RORA: variants seen among roughly 807,000 people sequenced by gnomAD.
RORA encodes nuclear receptor ROR-alpha.
A neutral mutation model predicts 69.5 loss-of-function variants in RORA; 7 were observed. The observed-to-expected ratio is 0.10, with a 90% CI of 0.06 to 0.19. The LOEUF is 0.19. RORA is among the 10% of genes least tolerant of loss of function. RORA has a pLI of 1.00. For missense variants in RORA, 457 were observed against 663.0 expected (o/e 0.69, Z 3.41); for synonymous variants, 261 against 240.8 (o/e 1.08, Z -0.78).
intron 1 of RORA, among the ~76,000 whole-genome samples, chr15:61,070,285 G>A (rs2140588902): frequency 6.6e-6 from 1 of 152,242 alleles, no homozygotes; most frequent in East Asian, 1.9e-4. Flanking sequence ...ATGCCCCCAT[G>A]GGATCCTAGA....
At position 60,742,396 on chromosome 15, in the gene RORA, G is replaced by A. The variant is rs560410925; in HGVS notation, c.167-63710C>T. On this transcript the variant is annotated intron_variant, in intron 1 of 10. Coordinates refer to ENST00000335670, the MANE Select transcript of RORA (RefSeq NM_134261.3). The stretch of plus-strand genomic sequence containing the variant: ...AGAGGTAAAAATGGTATGTGTCTAT[G>A]GTGTACAACATATTTTGATATATGT... Among the ~76,000 whole-genome samples the A allele has an allele frequency of 4.6e-5, 7 of 152,142 alleles. No homozygotes were observed. In the South Asian group the frequency reaches 1.2e-3, roughly 27 times the overall value.
chr15:60,542,608 A>C (rs1595942615), intron 2 of RORA, among the ~76,000 whole-genome samples: 1 of 131,798 alleles, frequency 7.6e-6, no homozygotes. Context: ...ACGCATGCAC[A>C]CCTCACACAC....
chr15:60,841,211 A>C, intron 1 of RORA: 37 of 373,690 alleles, frequency 9.9e-5, no homozygotes, highest in Middle Eastern at 1.4e-3. Context: ...AACACTTCTC[A>C]GGTGGCTGTG....
intron 2 of RORA, among the ~76,000 whole-genome samples, chr15:60,665,052 C>CT (rs2070360723): frequency 6.6e-6 from 1 of 152,234 alleles, no homozygotes; most frequent in Non-Finnish European, 1.5e-5. Context: ...AGGAAACATA[C>CT]TTACATTCTA....
chr15:61,043,977 T>C lies in RORA; in HGVS notation c.166+185076A>G, dbSNP rs989133713. Among the ~76,000 whole-genome samples, 5 of 152,010 alleles carry C rather than the reference T, an allele frequency of 3.3e-5. No individual in the cohort carries two copies. In the South Asian group the frequency reaches 8.3e-4, roughly 25 times the overall value. On this transcript the variant is annotated intron_variant, in intron 1 of 10. Coordinates refer to ENST00000335670, the MANE Select transcript of RORA (RefSeq NM_134261.3). ...CCAGAGCAAAGCTGTGCTCAAAGGA[T>C]TGGACATCAGAAACAAACCTAAAAA...
intron 1 of RORA, among the ~76,000 whole-genome samples, chr15:61,043,030 T>C (rs1304707344): frequency 1.3e-5 from 2 of 152,186 alleles, no homozygotes; most frequent in South Asian, 2.1e-4. Flanking sequence ...CTGAGAGTGA[T>C]GGACATGGCG....
chr15:60,533,603 G>A (rs1428995657), intron 2 of RORA, among the ~76,000 whole-genome samples: 1 of 152,150 alleles, frequency 6.6e-6, no homozygotes, highest in East Asian at 1.9e-4. Context: ...AGCGAGTTAC[G>A]CCTAACATTT....
At chr15:60,542,243 C>T (rs1444992203) in intron 2 of RORA, among the ~76,000 whole-genome samples, 1 of 152,180 alleles carries the variant, frequency 6.6e-6, no homozygotes, top group Non-Finnish European at 1.5e-5. Flanking sequence ...GCACAGCTTA[C>T]TGTCAAAGCC....
At chr15:60,500,890 T>C (rs2065311050) in intron 9 of RORA, 69 bp downstream of exon 9, 1 of 838,486 alleles carries the variant, frequency 1.2e-6, no homozygotes, top group South Asian at 1.6e-5. Flanking sequence ...ATTAAACGTA[T>C]GGGCCTTGTA....
intron 1 of RORA, among the ~76,000 whole-genome samples, chr15:60,715,821 G>A (rs1007507061): frequency 6.6e-6 from 1 of 152,030 alleles, no homozygotes; most frequent in East Asian, 1.9e-4. Context: ...AAATGTTAGG[G>A]GAAGGAAAGA....
intron 1 of RORA, among the ~76,000 whole-genome samples, chr15:60,683,513 G>T (rs1345414834): frequency 2.0e-5 from 3 of 152,040 alleles, no homozygotes; most frequent in Non-Finnish European, 4.4e-5. Flanking sequence ...GAAGAAAAAA[G>T]ACAGTGCCCA....
intron 2 of RORA, among the ~76,000 whole-genome samples, chr15:60,663,295 G>A (rs908803963): frequency 2.6e-5 from 4 of 152,166 alleles, no homozygotes; most frequent in East Asian, 1.9e-4. Context: ...TTAGCTGGGC[G>A]TAATGATGAA....
chr15:61,011,766 G>C (rs975354883), intron 1 of RORA, among the ~76,000 whole-genome samples: 14 of 152,322 alleles, frequency 9.2e-5, no homozygotes, highest in Middle Eastern at 3.4e-3. Flanking sequence ...AGCAGGTTAG[G>C]TTTAACTAAA....
chr15:61,210,433 A>G (rs2079980512), intron 1 of RORA, among the ~76,000 whole-genome samples: 1 of 152,222 alleles, frequency 6.6e-6, no homozygotes, highest in Admixed American at 6.5e-5. Context: ...AGAACAGGGA[A>G]AAAAGATTCC....
rs1022268456 is a variant in RORA, at chr15:61,139,037, G to A, written c.166+90016C>T. ...CGGGCGCCTGTAGTCCCAGGTACTC[G>A]GGAGGCTGAGGCAGGAGAACGGCAC... On this transcript the variant is annotated intron_variant, in intron 1 of 10. Transcript: ENST00000335670. Among the ~76,000 whole-genome samples, 8 of 152,004 alleles carry A rather than the reference G, an allele frequency of 5.3e-5. No individual in the cohort carries two copies. In the East Asian group the frequency reaches 9.7e-4, roughly 18 times the overall value.
At chr15:61,177,629 T>G (rs2079641700) in intron 1 of RORA, among the ~76,000 whole-genome samples, 1 of 151,576 alleles carries the variant, frequency 6.6e-6, no homozygotes, top group Admixed American at 6.6e-5. Context: ...AATTATATAA[T>G]AAGAATAAAA....
chr15:60,807,967 A>G (rs1025108103), intron 1 of RORA, among the ~76,000 whole-genome samples: 15 of 152,374 alleles, frequency 9.8e-5, no homozygotes, highest in Middle Eastern at 6.8e-3. Flanking sequence ...TGAAACCTAA[A>G]GATTCTAGAA....
intron 1 of RORA, among the ~76,000 whole-genome samples, chr15:60,927,411 T>C (rs2140496098): frequency 6.6e-6 from 1 of 152,340 alleles, no homozygotes; most frequent in South Asian, 2.1e-4. Flanking sequence ...ATAACACTTC[T>C]TTCAATTTCG....
At chr15:60,792,915 C>T (rs1216884253) in intron 1 of RORA, among the ~76,000 whole-genome samples, 1 of 152,024 alleles carries the variant, frequency 6.6e-6, no homozygotes, top group African/African-American at 2.4e-5. Context: ...ACCATATAAT[C>T]ATACTTTGCC....
Sources: allele counts gnomAD v4.1 joint callset (sites outside exome capture counted in the v4.1 genomes callset), GRCh38; gene constraint gnomAD v4.1.1; transcripts MANE v1.5; gene names NCBI Gene and HGNC (gene_info 2026-07-23, HGNC 2026-07-21).